The following LRRTM4 variants were observed in gnomAD, a reference collection of about 807,000 sequenced individuals.
The protein encoded by LRRTM4 is leucine rich repeat transmembrane neuronal 4, also known as leucine-rich repeat transmembrane neuronal protein 4.
A neutral mutation model predicts 47.6 loss-of-function variants in LRRTM4; 25 were observed. The ratio of observed to expected loss-of-function variants is 0.53; its 90% CI spans 0.38 to 0.73. The LOEUF (loss-of-function observed/expected upper bound fraction) is 0.73. Ranked by LOEUF, LRRTM4 falls within the 30% of genes least tolerant of loss-of-function variation. The pLI, the probability that LRRTM4 is intolerant of heterozygous loss-of-function variation, is 0.00. For missense variants in LRRTM4, 638 were observed against 713.4 expected (o/e 0.89, Z 1.20); for synonymous variants, 311 against 269.5 (o/e 1.15, Z -1.51).
At chr2:77,219,461 G>A (rs565567936) in intron 3 of LRRTM4, among the ~76,000 whole-genome samples, 6 of 151,908 alleles carry the variant, frequency 3.9e-5, no homozygotes, top group Non-Finnish European at 8.8e-5. Flanking sequence ...GAAACATACA[G>A]GAAAAAAAAC....
chr2:76,748,710 C>A lies in LRRTM4; in HGVS notation c.1758G>T (p.Glu586Asp). 1 of 1,596,326 alleles carries A rather than the reference C, an allele frequency of 6.3e-7. No individual in the cohort carries two copies. Among genetic ancestry groups the A allele is most frequent in the East Asian group, 2.3e-5 (1 of 43,916 alleles). Reference sequence around the variant, plus strand: ...GGCTTCAGCGTTAGTTTGCAATTCTCTCTAGGTAGATGGCCGGTGCTGCCG... The same window carrying A: ...GGCTTCAGCGTTAGTTTGCAATTCTATCTAGGTAGATGGCCGGTGCTGCCG... ...ARSAAPAIYL[E>D]RIAN Residue 586 changes from glutamate (E) to aspartate (D), a missense_variant, in exon 4 of 4, where the codon GAG (glutamate) becomes GAT (aspartate). By Grantham distance (45) the Glu-to-Asp change is conservative. Coordinates refer to ENST00000409884, the MANE Select transcript of LRRTM4 (RefSeq NM_001134745.3).
At position 76,906,654 on chromosome 2, in the gene LRRTM4, C is replaced by G. The variant is rs1558729314; in HGVS notation, c.1552-157738G>C. On this transcript the variant is annotated intron_variant, in intron 3 of 3. Coordinates refer to ENST00000409884, the MANE Select transcript of LRRTM4 (RefSeq NM_001134745.3). The stretch of plus-strand genomic sequence containing the variant: ...TCAAAATAAAAGGATGGAGGAAGAT[C>G]TACCAAGCCAATGGAAAACAAAAAA... Among the ~76,000 whole-genome samples the G allele has an allele frequency of 2.0e-5, 3 of 152,010 alleles. No homozygotes were observed. In the South Asian group the frequency reaches 6.2e-4, roughly 32 times the overall value.
chr2:76,893,070 A>G (rs916948048), intron 3 of LRRTM4, among the ~76,000 whole-genome samples: 2 of 147,234 alleles, frequency 1.4e-5, no homozygotes, highest in Non-Finnish European at 3.0e-5. Flanking sequence ...AAAAAAAAAA[A>G]TCAATATACA....
intron 3 of LRRTM4, among the ~76,000 whole-genome samples, chr2:76,814,512 AT>A (rs1670841240): frequency 1.3e-5 from 2 of 152,166 alleles, no homozygotes; most frequent in African/African-American, 2.4e-5. Flanking sequence ...TATTAAAAAA[AT>A]AAATTAATTA....
intron 3 of LRRTM4, among the ~76,000 whole-genome samples, chr2:77,212,373 G>A (rs1420495918): frequency 6.7e-6 from 1 of 148,284 alleles, no homozygotes; most frequent in African/African-American, 2.5e-5. Flanking sequence ...TATATATATA[G>A]TGTCATATAT....
At chr2:77,260,374 C>CGTGTGTGT (rs58758948) in intron 3 of LRRTM4, among the ~76,000 whole-genome samples, 109 of 140,494 alleles carry the variant, frequency 7.8e-4, no homozygotes, top group Middle Eastern at 7.2e-3. Flanking sequence ...ACCAAAAAAT[C>CGTGTGTGT]GTGTGTGTGT....
At chr2:76,986,327 GATTTC>G (rs1232417637) in intron 3 of LRRTM4, among the ~76,000 whole-genome samples, 3 of 150,172 alleles carry the variant, frequency 2.0e-5, no homozygotes, top group Non-Finnish European at 4.4e-5. Flanking sequence ...CACTGTAGAA[GATTTC>G]ATTTCATAGT....
At chr2:77,071,731 T>A (rs1680160384) in intron 3 of LRRTM4, among the ~76,000 whole-genome samples, 1 of 152,166 alleles carries the variant, frequency 6.6e-6, no homozygotes, top group South Asian at 2.1e-4. Context: ...ACTAAAGAAT[T>A]TGTTCCCATT....
At chr2:77,354,542 G>A (rs1289405642) in intron 3 of LRRTM4, among the ~76,000 whole-genome samples, 1 of 152,010 alleles carries the variant, frequency 6.6e-6, no homozygotes, top group Non-Finnish European at 1.5e-5. Context: ...CTTGAAACCA[G>A]TCATCATGGG....
chr2:76,833,918 T>C (rs1671430327), intron 3 of LRRTM4, among the ~76,000 whole-genome samples: 1 of 151,760 alleles, frequency 6.6e-6, no homozygotes, highest in South Asian at 2.1e-4. Flanking sequence ...CCTAATGCCA[T>C]TAAATATCCT....
intron 3 of LRRTM4, among the ~76,000 whole-genome samples, chr2:77,441,955 G>T (rs1470368189): frequency 6.6e-6 from 1 of 152,144 alleles, no homozygotes; most frequent in African/African-American, 2.4e-5. Context: ...AAGAAAACTT[G>T]CAGAGGAGAT....
chr2:77,159,634 T>C (rs1028999891), intron 3 of LRRTM4, among the ~76,000 whole-genome samples: 6 of 152,004 alleles, frequency 3.9e-5, no homozygotes, highest in African/African-American at 1.2e-4. Context: ...CATTTTTACA[T>C]TGAGTAGGCT....
chr2:77,189,438 A>G (rs866467680), intron 3 of LRRTM4, among the ~76,000 whole-genome samples: 1 of 152,118 alleles, frequency 6.6e-6, no homozygotes. Context: ...CCTAACCCCA[A>G]TGTGATGTTA....
In LRRTM4 at chr2:77,299,703, G is replaced by A. The variant is rs545256554; in HGVS notation, c.1551+218615C>T. Reference sequence around the variant, plus strand: ...GTAAGACACACTGACACTCTAAGAAGAGGGCAAGAAATCTCAAGGAGTTTA... The same window carrying A: ...GTAAGACACACTGACACTCTAAGAAAAGGGCAAGAAATCTCAAGGAGTTTA... On this transcript the variant is annotated intron_variant, in intron 3 of 3. Coordinates refer to ENST00000409884, the MANE Select transcript of LRRTM4 (RefSeq NM_001134745.3). Among the ~76,000 whole-genome samples the A allele has an allele frequency of 2.6e-5, 4 of 152,220 alleles. No homozygotes were observed. In the East Asian group the frequency reaches 5.8e-4, roughly 22 times the overall value.
intron 3 of LRRTM4, among the ~76,000 whole-genome samples, chr2:77,046,608 A>G (rs1168787820): frequency 1.3e-5 from 2 of 151,938 alleles, no homozygotes; most frequent in East Asian, 3.9e-4. Flanking sequence ...TGCACCCTCA[A>G]TGTTGCAGTG....
chr2:77,119,976 A>G (rs1411846161), intron 3 of LRRTM4, among the ~76,000 whole-genome samples: 1 of 151,798 alleles, frequency 6.6e-6, no homozygotes, highest in Non-Finnish European at 1.5e-5. Flanking sequence ...GCCCTAACAC[A>G]TAAATACCTA....
chr2:76,962,133 A>G (rs1249689858), intron 3 of LRRTM4, among the ~76,000 whole-genome samples: 3 of 151,300 alleles, frequency 2.0e-5, no homozygotes, highest in African/African-American at 7.3e-5. Flanking sequence ...AGTAAACTAT[A>G]TGTTTAAGAA....
chr2:77,342,645 C>T (rs1323379025), intron 3 of LRRTM4, among the ~76,000 whole-genome samples: 1 of 151,870 alleles, frequency 6.6e-6, no homozygotes, highest in Non-Finnish European at 1.5e-5. Context: ...AATATATACA[C>T]AATTGTATAA....
At chr2:76,964,021 A>G (rs1675945555) in intron 3 of LRRTM4, among the ~76,000 whole-genome samples, 1 of 151,014 alleles carries the variant, frequency 6.6e-6, no homozygotes, top group Non-Finnish European at 1.5e-5. Flanking sequence ...TCAGAAATAT[A>G]TTATCAAATT....
Sources: allele counts gnomAD v4.1 joint callset (sites outside exome capture counted in the v4.1 genomes callset), GRCh38; gene constraint gnomAD v4.1.1; transcripts MANE v1.5; gene names NCBI Gene and HGNC (gene_info 2026-07-23, HGNC 2026-07-21).